Variants in SGCD observed in about 807,000 individuals in gnomAD.
SGCD encodes delta-sarcoglycan.
SGCD carries 18 observed loss-of-function variants against 36.6 expected under a neutral mutation model. That is an observed-to-expected ratio of 0.49 (90% CI 0.34 to 0.73). The LOEUF is 0.73. Ranked by LOEUF, SGCD falls within the 30% of genes least tolerant of loss-of-function variation. The pLI is 0.01. For synonymous variants in SGCD, 133 were observed against 130.6 expected (o/e 1.02, Z -0.12); for missense variants, 387 against 346.7 (o/e 1.12, Z -0.92).
At chr5:155,972,920 A>G (rs1758035390) in intron 1 of SGCD, among the ~76,000 whole-genome samples, 1 of 152,130 alleles carries the variant, frequency 6.6e-6, no homozygotes, top group African/African-American at 2.4e-5. Context: ...GTTTTTCTTC[A>G]GATGAAACTC....
chr5:156,559,204 A>G (rs902380541), intron 4 of SGCD, among the ~76,000 whole-genome samples: 5 of 152,120 alleles, frequency 3.3e-5, no homozygotes, highest in African/African-American at 9.6e-5. Context: ...CACAGGCCCA[A>G]CTTCAAAAGT....
chr5:155,955,119 G>C (rs1007531290), intron 1 of SGCD, among the ~76,000 whole-genome samples: 5 of 152,062 alleles, frequency 3.3e-5, no homozygotes, highest in Non-Finnish European at 7.4e-5. Flanking sequence ...GTGTCAGGGA[G>C]GGTAGTCTGC....
At chr5:156,214,743 A>T (rs1469753086) in intron 3 of SGCD, among the ~76,000 whole-genome samples, 1 of 152,094 alleles carries the variant, frequency 6.6e-6, no homozygotes, top group Admixed American at 6.5e-5. Flanking sequence ...CTAGTGTAAA[A>T]GCAGACACAT....
intron 3 of SGCD, among the ~76,000 whole-genome samples, chr5:156,132,239 TTGTG>T (rs763564801): frequency 2.7e-5 from 4 of 150,064 alleles, no homozygotes; most frequent in African/African-American, 9.8e-5. Flanking sequence ...AGGGGTGTGT[TTGTG>T]TGTGTGTGTG....
At chr5:156,351,965 A>T (rs1367577217) in intron 3 of SGCD, among the ~76,000 whole-genome samples, 2 of 151,142 alleles carry the variant, frequency 1.3e-5, no homozygotes, top group Non-Finnish European at 2.9e-5. Context: ...GGAACCCAGT[A>T]TACCACTAAA....
intron 3 of SGCD, among the ~76,000 whole-genome samples, chr5:156,173,846 A>T (rs1279068889): frequency 1.3e-5 from 2 of 152,098 alleles, no homozygotes; most frequent in East Asian, 3.9e-4. Context: ...CTGTATCTAT[A>T]GTTTTTTTGA....
intron 3 of SGCD, among the ~76,000 whole-genome samples, chr5:156,506,635 C>T (rs150241147): frequency 1.3e-5 from 2 of 152,122 alleles, no homozygotes; most frequent in Non-Finnish European, 2.9e-5. Flanking sequence ...GGAAAAAAAC[C>T]CTTGACTGAA....
chr5:156,545,363 A>C (rs886775992), intron 4 of SGCD, among the ~76,000 whole-genome samples: 7 of 152,190 alleles, frequency 4.6e-5, no homozygotes, highest in Admixed American at 3.3e-4. Flanking sequence ...GGTTGTGAAC[A>C]AGATGCTAAG....
chr5:156,062,587 A>G (rs1264382192), intron 1 of SGCD, among the ~76,000 whole-genome samples: 1 of 72,794 alleles, frequency 1.4e-5, no homozygotes, highest in South Asian at 5.1e-4. Context: ...CATCCTCTCC[A>G]GCACCTGTTG....
At chr5:156,637,539 A>G (rs777721731) in intron 6 of SGCD, among the ~76,000 whole-genome samples, 2 of 152,190 alleles carry the variant, frequency 1.3e-5, no homozygotes, top group Non-Finnish European at 2.9e-5. Flanking sequence ...GTGGACAGTA[A>G]AACTTTCTCA....
At chr5:155,736,475 A>C in the SGCD span, among the ~76,000 whole-genome samples, 1 of 152,032 alleles carries the variant, frequency 6.6e-6, no homozygotes, top group Admixed American at 6.6e-5. Flanking sequence ...ACCATAACAA[A>C]TTGCTCCCTT....
upstream of SGCD, among the ~76,000 whole-genome samples, chr5:155,869,287 A>C (rs1025766285): frequency 6.6e-6 from 1 of 152,174 alleles, no homozygotes; most frequent in African/African-American, 2.4e-5. Context: ...CAATTGCCTG[A>C]TATTTAGCAA....
At chr5:156,708,084 G>A (rs1194639617) in intron 7 of SGCD, among the ~76,000 whole-genome samples, 1 of 152,084 alleles carries the variant, frequency 6.6e-6, no homozygotes, top group Non-Finnish European at 1.5e-5. Flanking sequence ...GTTACTTGGT[G>A]TTACTTGTTC....
chr5:155,888,515 A>G (rs1756055328), intron 1 of SGCD, among the ~76,000 whole-genome samples: 1 of 152,234 alleles, frequency 6.6e-6, no homozygotes, highest in Non-Finnish European at 1.5e-5. Context: ...GGACGCAAAG[A>G]AGCAGATAAC....
intron 1 of SGCD, among the ~76,000 whole-genome samples, chr5:155,952,539 CCT>C (rs1382666046): frequency 6.6e-6 from 1 of 151,954 alleles, no homozygotes; most frequent in Non-Finnish European, 1.5e-5. Context: ...AAAGACGTAC[CCT>C]GTTTGAAAAT....
chr5:156,354,382 G>A (rs569552489), intron 3 of SGCD, among the ~76,000 whole-genome samples: 1 of 152,052 alleles, frequency 6.6e-6, no homozygotes, highest in Non-Finnish European at 1.5e-5. Flanking sequence ...GGAAAGAGGG[G>A]ATGGGGAAAG....
At chr5:156,109,055 A>T (rs2127598750) in intron 1 of SGCD, among the ~76,000 whole-genome samples, 1 of 152,274 alleles carries the variant, frequency 6.6e-6, no homozygotes, top group South Asian at 2.1e-4. Context: ...TCATGGTGTG[A>T]GTATTCCCAA....
the SGCD span, among the ~76,000 whole-genome samples, chr5:155,752,036 G>A: frequency 3.3e-5 from 5 of 152,118 alleles, no homozygotes; most frequent in African/African-American, 1.2e-4. Flanking sequence ...TGCAATGTCT[G>A]TAATAAAAAA....
chr5:156,131,260 G>A (rs1274525464), intron 3 of SGCD, among the ~76,000 whole-genome samples: 1 of 152,198 alleles, frequency 6.6e-6, no homozygotes, highest in African/African-American at 2.4e-5. Context: ...AAGAGCTCTG[G>A]TGTGAGACTG....
Sources: allele counts gnomAD v4.1 joint callset (sites outside exome capture counted in the v4.1 genomes callset), GRCh38; gene constraint gnomAD v4.1.1; transcripts MANE v1.5; gene names NCBI Gene and HGNC (gene_info 2026-07-23, HGNC 2026-07-21).